Variants in PKD1L1 observed in about 807,000 individuals in gnomAD.
The protein encoded by PKD1L1 is polycystin-1-like protein 1.
Under a neutral mutation model 323.4 loss-of-function variants are expected in PKD1L1, and 236 were observed. The observed-to-expected ratio is 0.73, with a 90% CI of 0.66 to 0.81. The LOEUF (loss-of-function observed/expected upper bound fraction) is 0.81, where lower values mean the gene tolerates loss of function less well. Among genes scored for constraint, PKD1L1 ranks in the 40% least tolerant of loss-of-function variants. The pLI is 0.00. For missense variants in PKD1L1, 3,320 were observed against 3,508.0 expected, an observed-to-expected ratio of 0.95 and a Z score of 1.35; for synonymous variants, 1,344 against 1,335.0, an observed-to-expected ratio of 1.01 and a Z score of -0.15.
intron 41 of PKD1L1, among the ~76,000 whole-genome samples, chr7:47,832,380 G>A (rs1033225504): frequency 1.3e-5 from 2 of 152,218 alleles, no homozygotes; most frequent in African/African-American, 4.8e-5. Flanking sequence ...CTACGCTGAA[G>A]GCTCACCTGC....
intron 18 of PKD1L1, 149 bp downstream of exon 18, chr7:47,885,537 C>G: frequency 9.1e-7 from 1 of 1,100,078 alleles, no homozygotes; most frequent in Non-Finnish European, 1.3e-6. Flanking sequence ...TATTGCACAA[C>G]CAGCAAGTGG....
Position 47,840,204 on chromosome 7 carries a change from T to C in PKD1L1, c.5552+257A>G, listed in dbSNP as rs1303997063. On this transcript the variant is annotated intron_variant, in intron 35 of 56. Coordinates refer to ENST00000289672, the MANE Select transcript of PKD1L1 (RefSeq NM_138295.5). The surrounding 1 kb of genome is among the most constrained non-coding windows in gnomAD (Gnocchi z 4.1). The stretch of plus-strand genomic sequence containing the variant: ...GTTTAGTGTCATAGAAAACACTGAT[T>C]ATGAACTTTACTAGTATGTAAAATC... 6.6e-6 allele frequency among the ~76,000 whole-genome samples: 1 copy of C among 152,136 alleles called. No individual in the cohort carries two copies. The highest frequency in any genetic ancestry group is 2.4e-5 in the African/African-American group (1 of 41,420).
At chr7:47,893,142 A>G (rs1786857700) in intron 15 of PKD1L1, among the ~76,000 whole-genome samples, 1 of 145,946 alleles carries the variant, frequency 6.9e-6, no homozygotes, top group Non-Finnish European at 1.5e-5. Flanking sequence ...AGGCAGAAGA[A>G]TTGCTTGAAT....
chr7:47,803,240 G>A lies in PKD1L1; in HGVS notation c.7932C>T (p.Arg2644=). ...CTACAAAGATGCTGGGGAGTGAGTG[G>A]CGCATCATGGAGGAGCAGGATGCCA... is the stretch of plus-strand genomic sequence containing the variant. ...NTMASCSSMM[R]HSLPSIFVAG... is the part of the protein sequence containing the mutation. Residue 2644 remains arginine, a synonymous_variant, in exon 53 of 57, where the codon CGC becomes CGT. Transcript: ENST00000289672. 1.2e-6 allele frequency: 2 copies of A among 1,614,114 alleles called. No individual in the cohort carries two copies. The highest frequency in any genetic ancestry group is 1.7e-6 in the Non-Finnish European group (2 of 1,180,022).
intron 1 of PKD1L1, among the ~76,000 whole-genome samples, chr7:47,944,522 A>G (rs900127562): frequency 1.2e-4 from 19 of 152,236 alleles, no homozygotes; most frequent in Non-Finnish European, 2.5e-4. Flanking sequence ...AGCTCACACC[A>G]TCAGTGAGAG....
At chr7:47,883,768 T>C (rs1786617029) in intron 19 of PKD1L1, among the ~76,000 whole-genome samples, 1 of 152,228 alleles carries the variant, frequency 6.6e-6, no homozygotes, top group African/African-American at 2.4e-5. Flanking sequence ...TCATTCATCA[T>C]CCATTATTCC....
intron 42 of PKD1L1, among the ~76,000 whole-genome samples, chr7:47,830,794 G>A (rs565399064): frequency 2.4e-4 from 37 of 152,330 alleles, no homozygotes; most frequent in Non-Finnish European, 4.6e-4. Context: ...CGGAGTGACA[G>A]GATCAGAATC....
At position 47,834,390 on chromosome 7, in the gene PKD1L1, T is replaced by A. The variant is rs903087801; in HGVS notation, c.6128-5A>T. Reference sequence around the variant, plus strand: ...TCCTTCCCCAGGAATTAGGACCTGATTCAAAAAAATAAAAATCCAATGTAC... The same window carrying A: ...TCCTTCCCCAGGAATTAGGACCTGAATCAAAAAAATAAAAATCCAATGTAC... On this transcript the variant is annotated splice_region_variant and splice_polypyrimidine_tract_variant and intron_variant, in intron 39 of 56. Coordinates refer to ENST00000289672, the MANE Select transcript of PKD1L1 (RefSeq NM_138295.5). 1 of 1,613,048 alleles carries A rather than the reference T, an allele frequency of 6.2e-7. No homozygotes were observed. The highest frequency in any genetic ancestry group is 1.3e-5 in the African/African-American group (1 of 74,886).
Position 47,882,097 on chromosome 7 carries a change from A to G in PKD1L1, c.3266-12T>C. ...GCTGGTGTCCTTAGCTAGGAAGATAAACCAAGCCAATAGATGTTAAAGAAA... is the reference window on the plus strand; with the variant it reads ...GCTGGTGTCCTTAGCTAGGAAGATAGACCAAGCCAATAGATGTTAAAGAAA... On this transcript the variant is annotated splice_polypyrimidine_tract_variant and intron_variant, in intron 19 of 56. Coordinates refer to ENST00000289672, the MANE Select transcript of PKD1L1 (RefSeq NM_138295.5). 1 of 1,612,068 alleles carries G rather than the reference A, an allele frequency of 6.2e-7. No individual in the cohort carries two copies. Among genetic ancestry groups the G allele is most frequent in the Non-Finnish European group, 8.5e-7 (1 of 1,179,514 alleles).
intron 7 of PKD1L1, 101 bp from the exon 8 acceptor site, chr7:47,915,700 A>G: frequency 1.4e-6 from 1 of 696,086 alleles, no homozygotes; most frequent in South Asian, 2.3e-5. Flanking sequence ...CTTTAAATAA[A>G]CTAATGAAAA....
rs567594449 is a variant in PKD1L1, at chr7:47,853,815, A to C, written c.4860-588T>G. On this transcript the variant is annotated intron_variant, in intron 30 of 56. Transcript: ENST00000289672. The stretch of plus-strand genomic sequence containing the variant: ...AAAACCAAACAAACACTTCAGTAGC[A>C]AACAAGTACAAGAATGGCCAGCACA... 7.9e-5 allele frequency among the ~76,000 whole-genome samples: 12 copies of C among 152,112 alleles called. No homozygotes were observed. In the East Asian group the frequency reaches 2.3e-3, roughly 29 times the overall value.
At chr7:47,801,845 C>G (rs1784669009) in intron 53 of PKD1L1, among the ~76,000 whole-genome samples, 1 of 152,214 alleles carries the variant, frequency 6.6e-6, no homozygotes, top group South Asian at 2.1e-4. Context: ...TAGAATTCTG[C>G]TACTTAATTT....
At chr7:47,944,855 G>A (rs1197318211) in intron 1 of PKD1L1, among the ~76,000 whole-genome samples, 4 of 152,218 alleles carry the variant, frequency 2.6e-5, no homozygotes, top group African/African-American at 9.6e-5. Context: ...AAGATCAAGT[G>A]CAGCGAGTGA....
At chr7:47,878,037 A>T (rs924671284) in intron 21 of PKD1L1, among the ~76,000 whole-genome samples, 20 of 152,004 alleles carry the variant, frequency 1.3e-4, no homozygotes, top group African/African-American at 4.6e-4. Flanking sequence ...AGATGATGCT[A>T]ACAGACCCAT....
intron 53 of PKD1L1, among the ~76,000 whole-genome samples, chr7:47,802,084 G>A (rs535102994): frequency 4.0e-5 from 6 of 151,898 alleles, no homozygotes; most frequent in Admixed American, 3.3e-4. Flanking sequence ...CCAGCTACTC[G>A]GGAGGCTGAG....
intron 24 of PKD1L1, among the ~76,000 whole-genome samples, chr7:47,872,471 C>T (rs1786302730): frequency 6.6e-6 from 1 of 152,082 alleles, no homozygotes; most frequent in Non-Finnish European, 1.5e-5. Context: ...AATTGAGAAT[C>T]AAGAAACAAA....
intron 1 of PKD1L1, 78 bp from the exon 2 acceptor site, chr7:47,943,589 C>G: frequency 1.8e-6 from 2 of 1,096,724 alleles, no homozygotes; most frequent in Non-Finnish European, 1.3e-6. Context: ...GACCACTCTT[C>G]CATCCATATC....
Position 47,813,117 on chromosome 7 carries a change from T to C in PKD1L1, c.7346+4A>G, listed in dbSNP as rs780644393. On this transcript the variant is annotated splice_donor_region_variant and intron_variant, in intron 49 of 56. Transcript: ENST00000289672. The stretch of plus-strand genomic sequence containing the variant: ...TGAGCCCCGGCCCTTCGAATCTCAC[T>C]GACCTTGTTCTGCCCAGGCTGAGCA... 1.2e-6 allele frequency: 2 copies of C among 1,611,880 alleles called. No homozygotes were observed. The highest frequency in any genetic ancestry group is 1.3e-5 in the African/African-American group (1 of 74,868).
At chr7:47,790,339 T>C (rs1488708546) in intron 56 of PKD1L1, among the ~76,000 whole-genome samples, 2 of 152,162 alleles carry the variant, frequency 1.3e-5, no homozygotes, top group East Asian at 1.9e-4. Flanking sequence ...AAATAATTTT[T>C]TTTTTTTTGA....
Sources: allele counts gnomAD v4.1 joint callset (sites outside exome capture counted in the v4.1 genomes callset), GRCh38; gene constraint gnomAD v4.1.1; non-coding constraint Gnocchi (gnomAD v3.1); transcripts MANE v1.5; gene names NCBI Gene and HGNC (gene_info 2026-07-23, HGNC 2026-07-21).